The following SLC44A5 variants were observed in gnomAD, a reference collection of about 807,000 sequenced individuals.
SLC44A5 encodes the protein choline transporter-like protein 5.
SLC44A5 carries 57 observed loss-of-function variants against 101.8 expected under a neutral mutation model. The ratio of observed to expected loss-of-function variants is 0.56; its 90% CI spans 0.45 to 0.70. The LOEUF is 0.70. SLC44A5 is among the 30% of genes least tolerant of loss of function. The probability of loss-of-function intolerance (pLI) is 0.00; values close to 1 mark genes in which losing one functional copy is unlikely to be tolerated. For synonymous variants in SLC44A5, 281 were observed against 290.9 expected (o/e 0.97, Z 0.35); for missense variants, 737 against 853.1 (o/e 0.86, Z 1.70).
At chr1:75,635,969 G>A in the SLC44A5 span, among the ~76,000 whole-genome samples, 1 of 151,862 alleles carries the variant, frequency 6.6e-6, no homozygotes, top group African/African-American at 2.4e-5. Context: ...TACATTCATA[G>A]ATCGTGTAAT....
intron 4 of SLC44A5, among the ~76,000 whole-genome samples, chr1:75,309,309 G>T (rs1045452471): frequency 3.3e-5 from 5 of 152,268 alleles, no homozygotes; most frequent in African/African-American, 1.2e-4. Context: ...GCTGCATGTG[G>T]TGGCATGTGC....
chr1:75,238,152 T>A (rs1648274846), intron 10 of SLC44A5, among the ~76,000 whole-genome samples: 1 of 150,698 alleles, frequency 6.6e-6, no homozygotes, highest in African/African-American at 2.4e-5. Context: ...TTCTTTCTTT[T>A]ATTTTCCTTT....
intron 4 of SLC44A5, 61 bp downstream of exon 4, chr1:75,339,521 A>G (rs1657703473): frequency 2.9e-6 from 4 of 1,365,846 alleles, no homozygotes; most frequent in Non-Finnish European, 4.1e-6. Flanking sequence ...TACCTCCCCC[A>G]TCCCCCAAAG....
the SLC44A5 span, among the ~76,000 whole-genome samples, chr1:75,676,250 T>C: frequency 1.3e-5 from 2 of 152,204 alleles, no homozygotes; most frequent in Non-Finnish European, 2.9e-5. Context: ...TGCACACATA[T>C]GTTCATTGCA....
At chr1:75,523,119 A>G (rs2101899508) in intron 2 of SLC44A5, among the ~76,000 whole-genome samples, 1 of 152,288 alleles carries the variant, frequency 6.6e-6, no homozygotes, top group African/African-American at 2.4e-5. Context: ...AAGAACTACC[A>G]TGGTAGTTCC....
At chr1:75,336,258 C>A (rs547362441) in intron 4 of SLC44A5, among the ~76,000 whole-genome samples, 2 of 151,952 alleles carry the variant, frequency 1.3e-5, no homozygotes, top group Non-Finnish European at 2.9e-5. Context: ...TGGGTTCAAG[C>A]GATTCTCCTG....
chr1:75,615,013 G>A, upstream of SLC44A5, among the ~76,000 whole-genome samples: 1 of 152,126 alleles, frequency 6.6e-6, no homozygotes. Flanking sequence ...CCCTAGGCAA[G>A]ACGCAGCCCA....
chr1:75,685,458 C>T, the SLC44A5 span, among the ~76,000 whole-genome samples: 5 of 152,152 alleles, frequency 3.3e-5, no homozygotes, highest in Admixed American at 3.3e-4. Context: ...ATATAAGTTT[C>T]AATTCCAAAC....
chr1:75,379,129 G>A lies in SLC44A5; in HGVS notation c.52+17454C>T, dbSNP rs1482021002. ...TTGAGGCCAGATACAAGTCTTTTTC[G>A]ATAAAAATGCTAAAAGATATGAAAG... On this transcript the variant is annotated intron_variant, in intron 3 of 23. Transcript: ENST00000370859. 2.6e-5 allele frequency among the ~76,000 whole-genome samples: 2 copies of A among 76,080 alleles called. 1 individual carries two copies. The highest frequency in any genetic ancestry group is 8.1e-4 in the South Asian group (2 of 2,462). The allele number at this position is 76,080 out of a possible 152,430, so 49.9% of individuals were successfully genotyped here. A position where few individuals can be genotyped will look rare whatever the true frequency, so the allele number is the denominator to read the frequency against.
chr1:75,289,078 C>T (rs774231718), intron 5 of SLC44A5, among the ~76,000 whole-genome samples: 7 of 152,166 alleles, frequency 4.6e-5, no homozygotes, highest in Non-Finnish European at 7.3e-5. Flanking sequence ...ATTAAAGTTC[C>T]TGAGGGGTCC....
chr1:75,582,511 T>C (rs1673754357), intron 1 of SLC44A5: 4 of 572,104 alleles, frequency 7.0e-6, no homozygotes, highest in Non-Finnish European at 1.2e-5. Context: ...CAGCTTCAAT[T>C]CCAGCTCAGG....
intron 2 of SLC44A5, among the ~76,000 whole-genome samples, chr1:75,504,010 T>A (rs1351330750): frequency 1.3e-5 from 2 of 152,136 alleles, no homozygotes; most frequent in East Asian, 1.9e-4. Flanking sequence ...GTGAGGGGAT[T>A]TTTTTTACTA....
At chr1:75,243,840 G>A (rs370324207) in intron 7 of SLC44A5, among the ~76,000 whole-genome samples, 2 of 152,094 alleles carry the variant, frequency 1.3e-5, no homozygotes, top group African/African-American at 4.8e-5. Flanking sequence ...GTTCAGGGAA[G>A]CATCTGTCCT....
chr1:75,353,901 A>G, intron 3 of SLC44A5: 1 of 206,204 alleles, frequency 4.8e-6, no homozygotes, highest in Non-Finnish European at 1.0e-5. Context: ...TGGCACCTCC[A>G]GCTTTCGGTT....
chr1:75,649,575 A>G, the SLC44A5 span, among the ~76,000 whole-genome samples: 2 of 152,178 alleles, frequency 1.3e-5, no homozygotes, highest in Non-Finnish European at 2.9e-5. Flanking sequence ...GGTCTATTAA[A>G]TAGACTAATA....
At chr1:75,376,772 C>T (rs897857233) in intron 3 of SLC44A5, among the ~76,000 whole-genome samples, 9 of 152,206 alleles carry the variant, frequency 5.9e-5, no homozygotes, top group African/African-American at 1.2e-4. Context: ...AAGCAGAGCG[C>T]CTCTCCTCCA....
chr1:75,334,223 T>G (rs1331381152), intron 4 of SLC44A5, among the ~76,000 whole-genome samples: 1 of 152,216 alleles, frequency 6.6e-6, no homozygotes, highest in Non-Finnish European at 1.5e-5. Context: ...AGCTTGTCTG[T>G]TTTGTTCATC....
upstream of SLC44A5, chr1:75,615,913 C>A (rs982191845): frequency 1.0e-5 from 10 of 985,518 alleles, no homozygotes; most frequent in Non-Finnish European, 1.1e-5. Context: ...TCCCCCGGAC[C>A]CCCCACGCGC....
chr1:75,563,934 A>G (rs1423940223), intron 1 of SLC44A5, among the ~76,000 whole-genome samples: 1 of 152,204 alleles, frequency 6.6e-6, no homozygotes, highest in African/African-American at 2.4e-5. Context: ...GCAATAGAGA[A>G]TATAGGGTAA....
Sources: allele counts gnomAD v4.1 joint callset (sites outside exome capture counted in the v4.1 genomes callset), GRCh38; gene constraint gnomAD v4.1.1; transcripts MANE v1.5; gene names NCBI Gene and HGNC (gene_info 2026-07-23, HGNC 2026-07-21).